SCN10A: variants seen among roughly 807,000 people sequenced by gnomAD.
SCN10A encodes the protein sodium channel protein type 10 subunit alpha.
SCN10A carries 162 observed loss-of-function variants against 170.7 expected under a neutral mutation model. That is an observed-to-expected ratio of 0.95 (90% CI 0.84 to 1.08). SCN10A has a LOEUF of 1.08. Among genes scored for constraint, SCN10A ranks in the 50% least tolerant of loss-of-function variants. The pLI is 0.00. For missense variants in SCN10A, 2,527 were observed against 2,436.9 expected, an observed-to-expected ratio of 1.04 and a Z score of -0.78; for synonymous variants, 985 against 904.6, an observed-to-expected ratio of 1.09 and a Z score of -1.59.
rs559598698 is a variant in SCN10A at position 38,789,471 on chromosome 3, A to T, written c.390-435T>A. Among the ~76,000 whole-genome samples, 6 of 152,248 alleles carry T rather than the reference A, an allele frequency of 3.9e-5. No homozygotes were observed. In the South Asian group the frequency reaches 6.2e-4, roughly 16 times the overall value. Reference sequence around the variant, plus strand: ...AGTATACAAAATGGCCTGAAATTTCATCTGGCAAATGTCTTTTTTATTCTA... The same window carrying T: ...AGTATACAAAATGGCCTGAAATTTCTTCTGGCAAATGTCTTTTTTATTCTA... On this transcript the variant is annotated intron_variant, in intron 3 of 27. Coordinates refer to ENST00000449082, the MANE Select transcript of SCN10A (RefSeq NM_006514.4).
In SCN10A at chr3:38,756,043, G is replaced by A. The variant is rs908654399; in HGVS notation, c.1291-85C>T. On this transcript the variant is annotated intron_variant, in intron 10 of 27. Coordinates refer to ENST00000449082, the MANE Select transcript of SCN10A (RefSeq NM_006514.4). The stretch of plus-strand genomic sequence containing the variant: ...GTCCCCCAGACATGGGGTGCCAGGG[G>A]TGAGAGATCTGAAACAGAGAAGCTG... 18 of 1,452,658 alleles carry A rather than the reference G, an allele frequency of 1.2e-5. No individual in the cohort carries two copies. The East Asian group carries it at 4.1e-4, about 33-fold the overall frequency. 90.0% of individuals were successfully genotyped at this position (1,452,658 alleles called of 1,614,324 possible).
At chr3:38,708,623 G>T (rs1004210061) in intron 25 of SCN10A, among the ~76,000 whole-genome samples, 1 of 152,194 alleles carries the variant, frequency 6.6e-6, no homozygotes, top group African/African-American at 2.4e-5. Context: ...CTGTTACAGT[G>T]CCAGAAACTG....
rs773524240 is a variant in SCN10A, at chr3:38,743,856, A to C, written c.1868-1327T>G. Among the ~76,000 whole-genome samples the C allele has an allele frequency of 6.6e-5, 10 of 152,200 alleles. No individual in the cohort carries two copies. The East Asian group carries it at 1.9e-3, about 29-fold the overall frequency. ...CCAATTCCCACCAAATTATGTGTCC[A>C]ATTTCTGATCCCTTCCTGAACACTA... is the stretch of plus-strand genomic sequence containing the variant. On this transcript the variant is annotated intron_variant, in intron 13 of 27. Coordinates refer to ENST00000449082, the MANE Select transcript of SCN10A (RefSeq NM_006514.4).
chr3:38,806,386 T>C (rs2064404563), intron 1 of SCN10A, among the ~76,000 whole-genome samples: 1 of 152,180 alleles, frequency 6.6e-6, no homozygotes, highest in African/African-American at 2.4e-5. Context: ...AAGTTCCTTA[T>C]CACATGATCT....
At chr3:38,802,009 A>C (rs1439622660) in intron 1 of SCN10A, among the ~76,000 whole-genome samples, 2 of 151,986 alleles carry the variant, frequency 1.3e-5, no homozygotes, top group Non-Finnish European at 2.9e-5. Context: ...ATCTTCCTCC[A>C]CCAAAATCAA....
chr3:38,744,197 C>T (rs1343362303), intron 13 of SCN10A, among the ~76,000 whole-genome samples: 1 of 152,054 alleles, frequency 6.6e-6, no homozygotes, highest in African/African-American at 2.4e-5. Context: ...TAGAACATTG[C>T]TTGAAGAATA....
At position 38,750,169 on chromosome 3, in the gene SCN10A, G is replaced by A. The variant is rs1400313911; in HGVS notation, c.1771C>T (p.Gln591Ter). The A allele has an allele frequency of 6.2e-7, 1 of 1,610,560 alleles. No homozygotes were observed. Among genetic ancestry groups the A allele is most frequent in the South Asian group, 1.1e-5 (1 of 90,694 alleles). Residue 591 changes from glutamine to a stop codon, truncating the protein, a stop_gained, in exon 13 of 28, where the codon CAA becomes TAA. Transcript: ENST00000449082. LOFTEE classifies it high-confidence loss of function. The stretch of plus-strand genomic sequence containing the variant: ...TCTGCTGACAAGAAAGTCTTCTTTT[G>A]TCCTGCATCGAATGCCTGTTGAGAC... ...AVDVSAFDAG[Q>*]KKTFLSAEYL... is the part of the protein sequence containing the mutation.
rs1024052240 is a variant in SCN10A, at chr3:38,771,494, C to T, written c.471-87G>A. On this transcript the variant is annotated intron_variant, in intron 4 of 27. Transcript: ENST00000449082. ...TCTTCCAGGAGGGAGGGATGACCTG[C>T]TCTGACTGCTCCAAGAAAAAACATG... The T allele has an allele frequency of 2.2e-6, 3 of 1,345,336 alleles. No individual in the cohort carries two copies. In the African/African-American group the frequency reaches 4.3e-5, roughly 19 times the overall value. The allele number at this position is 1,345,336 out of a possible 1,614,324, so 83.3% of individuals were successfully genotyped here. A position where few individuals can be genotyped will look rare whatever the true frequency, so the allele number is the denominator to read the frequency against.
chr3:38,721,015 AC>A (rs2063384132), intron 20 of SCN10A, among the ~76,000 whole-genome samples: 1 of 151,866 alleles, frequency 6.6e-6, no homozygotes, highest in Non-Finnish European at 1.5e-5. Context: ...TTCCCCCTCC[AC>A]CCAGGATGGC....
intron 15 of SCN10A, among the ~76,000 whole-genome samples, chr3:38,732,871 T>G (rs1002874994): frequency 1.2e-4 from 19 of 152,210 alleles, no homozygotes; most frequent in Admixed American, 9.8e-4. Context: ...AATCCAGAAG[T>G]TTAGAGCCTT....
intron 21 of SCN10A, among the ~76,000 whole-genome samples, chr3:38,717,275 T>G (rs924302210): frequency 6.6e-6 from 1 of 151,820 alleles, no homozygotes; most frequent in Non-Finnish European, 1.5e-5. Flanking sequence ...AAAGGAAGAC[T>G]GAATGGTTGG....
At chr3:38,763,707 G>C in intron 5 of SCN10A, 111 bp from the exon 6 acceptor site, 1 of 756,528 alleles carries the variant, frequency 1.3e-6, no homozygotes, top group Admixed American at 2.0e-5. Context: ...ATGCAGAATG[G>C]ACACTTAGAA....
intron 3 of SCN10A, among the ~76,000 whole-genome samples, chr3:38,789,934 T>C (rs1458954628): frequency 6.6e-6 from 1 of 152,148 alleles, no homozygotes; most frequent in East Asian, 1.9e-4. Flanking sequence ...AAGATAAACT[T>C]GACCTACAGA....
chr3:38,739,249 A>G (rs1010656246), intron 15 of SCN10A, among the ~76,000 whole-genome samples: 5 of 152,160 alleles, frequency 3.3e-5, no homozygotes, highest in African/African-American at 1.2e-4. Context: ...TTGTTATTTG[A>G]TAAGAGACGA....
rs145092172 is a variant in SCN10A, at chr3:38,794,342, C to A, written c.-32-300G>T. ...ACCACCACCACCAGATTTAGCCATGCTGCCCTCTCTCCTCATTTCCAGGAC... is the reference window on the plus strand; with the variant it reads ...ACCACCACCACCAGATTTAGCCATGATGCCCTCTCTCCTCATTTCCAGGAC... On this transcript the variant is annotated intron_variant, in intron 1 of 27. Coordinates refer to ENST00000449082, the MANE Select transcript of SCN10A (RefSeq NM_006514.4). Among the ~76,000 whole-genome samples the A allele has an allele frequency of 1.4e-3, 211 of 152,296 alleles. 4 individuals are homozygous for A. The East Asian group carries it at 0.035, about 25-fold the overall frequency.
At position 38,739,542 on chromosome 3, in the gene SCN10A, G is replaced by T; in HGVS notation, c.2253C>A (p.Ser751Arg). The stretch of plus-strand genomic sequence containing the variant: ...AGCGGAAGCTCCGCAGCACAGACAG[G>T]CTTCCCTTCTTGGCCACGCCCAGCT... ...LLELGVAKKG[S>R]LSVLRSFRLL... Residue 751 changes from serine (S) to arginine (R), a missense_variant, in exon 15 of 28, where the codon AGC (serine) becomes AGA (arginine). Transcript: ENST00000449082. The T allele has an allele frequency of 1.2e-6, 2 of 1,614,058 alleles. No individual in the cohort carries two copies. The highest frequency in any genetic ancestry group is 8.5e-7 in the Non-Finnish European group (1 of 1,180,000).
chr3:38,725,403 C>CA, intron 17 of SCN10A, 89 bp from the exon 18 acceptor site: 1 of 1,326,524 alleles, frequency 7.5e-7, no homozygotes, highest in Non-Finnish European at 1.0e-6. Flanking sequence ...TCACAGGCTG[C>CA]CAGAGCCAAG....
At chr3:38,762,105 ACTT>A (rs1296175595) in intron 6 of SCN10A, among the ~76,000 whole-genome samples, 1 of 152,208 alleles carries the variant, frequency 6.6e-6, no homozygotes, top group Non-Finnish European at 1.5e-5. Context: ...AGTAAAATCA[ACTT>A]CTTTGGGAGA....
At chr3:38,798,350 A>G (rs12636576) in intron 1 of SCN10A, among the ~76,000 whole-genome samples, 42,998 of 152,060 alleles carry the variant, frequency 0.28, 7,647 homozygotes, top group Admixed American at 0.41. Flanking sequence ...CCCTGGGCAG[A>G]CAGAGGCAGG....
Sources: gnomAD v4.1 joint callset for allele counts (sites outside exome capture counted in the v4.1 genomes callset) on GRCh38, gnomAD v4.1.1 for gene constraint, MANE v1.5 for transcripts, NCBI Gene and HGNC (gene_info 2026-07-23, HGNC 2026-07-21) for gene names.